GPR89A: variants seen among roughly 807,000 people sequenced by gnomAD.
The protein encoded by GPR89A is G protein-coupled receptor 89A.
In GPR89A, 16 loss-of-function variants were observed where a neutral mutation model predicts 52.0. The ratio of observed to expected loss-of-function variants is 0.31; its 90% CI spans 0.21 to 0.47. GPR89A has a LOEUF of 0.47. Among genes scored for constraint, GPR89A ranks in the 20% least tolerant of loss-of-function variants. The pLI is 1.00. For missense variants in GPR89A, 135 were observed against 449.4 expected, an observed-to-expected ratio of 0.30 and a Z score of 6.33; for synonymous variants, 55 against 150.9, an observed-to-expected ratio of 0.36 and a Z score of 4.66.
intron 7 of GPR89A, among the ~76,000 whole-genome samples, chr1:145,640,378 CA>C (rs1473217412): frequency 2.1e-5 from 2 of 97,096 alleles, no homozygotes; most frequent in Non-Finnish European, 4.1e-5. Context: ...TGGGCTCCAT[CA>C]AAATTTAACA....
intron 1 of GPR89A, 29 bp downstream of exon 1, chr1:145,608,204 C>G: frequency 1.2e-6 from 2 of 1,613,778 alleles, no homozygotes; most frequent in Non-Finnish European, 1.7e-6. Flanking sequence ...CCCCGACACC[C>G]GTCCGCCTCC....
rs1571465695 is a variant in GPR89A, at chr1:145,616,214, C to G, written c.43-20C>G. Reference sequence around the variant, plus strand: ...TCAAAAGAAAATATGTATTGACATTCTATTTTCTTTCTCCTCCAGATACTA... The same window carrying G: ...TCAAAAGAAAATATGTATTGACATTGTATTTTCTTTCTCCTCCAGATACTA... On this transcript the variant is annotated intron_variant, in intron 1 of 13. Transcript: ENST00000313835. 3 of 1,600,530 alleles carry G rather than the reference C, an allele frequency of 1.9e-6. No homozygotes were observed. In the East Asian group the frequency reaches 6.7e-5, roughly 36 times the overall value.
chr1:145,653,300 A>C (rs1368200365), intron 10 of GPR89A, among the ~76,000 whole-genome samples: 2 of 144,298 alleles, frequency 1.4e-5, no homozygotes, highest in Non-Finnish European at 3.0e-5. Flanking sequence ...TTAGTTTCTT[A>C]GTCTTGAGTT....
chr1:145,611,033 G>C (rs1648233319), intron 1 of GPR89A, among the ~76,000 whole-genome samples: 1 of 152,002 alleles, frequency 6.6e-6, no homozygotes, highest in Non-Finnish European at 1.5e-5. Context: ...TTAATAAGAA[G>C]CTATACGCCT....
At chr1:145,622,125 C>T (rs1649184450) in intron 3 of GPR89A, among the ~76,000 whole-genome samples, 1 of 152,102 alleles carries the variant, frequency 6.6e-6, no homozygotes, top group South Asian at 2.1e-4. Flanking sequence ...TGTATACACA[C>T]ACATTCCTAG....
intron 7 of GPR89A, among the ~76,000 whole-genome samples, chr1:145,639,636 A>G (rs1553691362): frequency 6.6e-6 from 1 of 151,758 alleles, no homozygotes; most frequent in African/African-American, 2.4e-5. Flanking sequence ...AGTCCCAGCT[A>G]CTTGGGAGGT....
At chr1:145,660,641 C>T (rs192511705) in intron 10 of GPR89A, among the ~76,000 whole-genome samples, 1 of 151,892 alleles carries the variant, frequency 6.6e-6, no homozygotes, top group African/African-American at 2.4e-5. Context: ...AAAAAGTTGG[C>T]GAAGGACATG....
chr1:145,608,331 G>A (rs782636670), intron 1 of GPR89A, 156 bp downstream of exon 1: 42 of 1,206,062 alleles, frequency 3.5e-5, no homozygotes, highest in Admixed American at 8.2e-5. Context: ...GCGATTTGCT[G>A]CGGCCGGTTC....
intron 10 of GPR89A, among the ~76,000 whole-genome samples, chr1:145,650,138 C>G (rs1481015627): frequency 4.6e-5 from 7 of 152,138 alleles, no homozygotes; most frequent in Admixed American, 1.3e-4. Flanking sequence ...TCTCCCTCCC[C>G]CTCCCCGCCT....
intron 5 of GPR89A, among the ~76,000 whole-genome samples, chr1:145,625,146 A>G (rs1407263709): frequency 6.6e-6 from 1 of 152,030 alleles, no homozygotes; most frequent in Non-Finnish European, 1.5e-5. Context: ...CATATGCAAT[A>G]CCATAAATAG....
chr1:145,668,763 T>A (rs1388737236), intron 12 of GPR89A, among the ~76,000 whole-genome samples: 1 of 151,954 alleles, frequency 6.6e-6, no homozygotes, highest in Non-Finnish European at 1.5e-5. Context: ...CCTAATTTAT[T>A]GAGTTTTTAG....
chr1:145,654,123 G>GT (rs1477171675), intron 10 of GPR89A, among the ~76,000 whole-genome samples: 1 of 152,120 alleles, frequency 6.6e-6, no homozygotes, highest in Non-Finnish European at 1.5e-5. Context: ...TCCATACTTA[G>GT]TGCTTCCTTC....
chr1:145,648,803 T>TTTA (rs1651236200), intron 10 of GPR89A, among the ~76,000 whole-genome samples: 5 of 1,576 alleles, frequency 3.2e-3, no homozygotes, highest in African/African-American at 7.4e-3. Flanking sequence ...ATGTTCTTTT[T>TTTA]TTTTTTTTTT....
In GPR89A at chr1:145,663,346, T is replaced by C; in HGVS notation, c.927T>C (p.Val309=). The part of the protein sequence containing the change: ...WKIFMATINI[V]FDRVGKTDPV... ...CTTTGCAGGCTACCATCAATATTGT[T>C]TTTGATCGAGTTGGGAAAACGGATC... Residue 309 remains valine, a synonymous_variant, in exon 11 of 14, where the codon GTT becomes GTC. Transcript: ENST00000313835. 1 of 1,610,716 alleles carries C rather than the reference T, an allele frequency of 6.2e-7. No individual in the cohort carries two copies. Among genetic ancestry groups the C allele is most frequent in the Non-Finnish European group, 8.5e-7 (1 of 1,179,136 alleles).
chr1:145,628,817 G>A (rs1270572694), intron 5 of GPR89A, among the ~76,000 whole-genome samples: 2 of 152,212 alleles, frequency 1.3e-5, no homozygotes, highest in Admixed American at 6.5e-5. Flanking sequence ...AAGAAAAGGT[G>A]ACAATAACTA....
intron 1 of GPR89A, among the ~76,000 whole-genome samples, chr1:145,615,319 G>A (rs1268667395): frequency 2.0e-5 from 3 of 152,094 alleles, no homozygotes; most frequent in Non-Finnish European, 4.4e-5. Flanking sequence ...CCTCTCCCCT[G>A]AAGTTTTTAT....
At chr1:145,632,404 C>T (rs1553690028) in intron 7 of GPR89A, among the ~76,000 whole-genome samples, 1 of 151,894 alleles carries the variant, frequency 6.6e-6, no homozygotes, top group African/African-American at 2.4e-5. Flanking sequence ...CTCTCCATTC[C>T]TCCCACCCAT....
intron 7 of GPR89A, among the ~76,000 whole-genome samples, chr1:145,643,457 C>T (rs192657328): frequency 3.9e-5 from 6 of 152,254 alleles, no homozygotes; most frequent in Admixed American, 2.6e-4. Context: ...TGAGCCACCA[C>T]ACCCAGCCAG....
chr1:145,614,722 G>A (rs1461252416), intron 1 of GPR89A, among the ~76,000 whole-genome samples: 2 of 152,174 alleles, frequency 1.3e-5, no homozygotes, highest in African/African-American at 4.8e-5. Flanking sequence ...ATGTAAAACA[G>A]GATTATATAA....
Sources: allele counts gnomAD v4.1 joint callset (sites outside exome capture counted in the v4.1 genomes callset), GRCh38; gene constraint gnomAD v4.1.1; transcripts MANE v1.5; gene names NCBI Gene and HGNC (gene_info 2026-07-23, HGNC 2026-07-21).